TRHDE: variants seen among roughly 807,000 people sequenced by gnomAD.
TRHDE encodes thyrotropin releasing hormone degrading enzyme.
TRHDE carries 72 observed loss-of-function variants against 125.7 expected under a neutral mutation model. That is an observed-to-expected ratio of 0.57 (90% CI 0.47 to 0.70). The LOEUF is 0.70. Among genes scored for constraint, TRHDE ranks in the 30% least tolerant of loss-of-function variants. The probability of loss-of-function intolerance (pLI) is 0.00; values close to 1 mark genes in which losing one functional copy is unlikely to be tolerated. For synonymous variants in TRHDE, 509 were observed against 509.1 expected, an observed-to-expected ratio of 1.00 and a Z score of 0.00; for missense variants, 1,110 against 1,327.1, an observed-to-expected ratio of 0.84 and a Z score of 2.54.
rs1345189955 is a variant in TRHDE at position 72,111,001 on chromosome 12, C to T, written n.279+5249C>T. Among the ~76,000 whole-genome samples, 5 of 152,186 alleles carry T rather than the reference C, an allele frequency of 3.3e-5. No individual in the cohort carries two copies. The East Asian group carries it at 9.7e-4, about 29-fold the overall frequency. On this transcript the variant is annotated intron_variant and non_coding_transcript_variant, in intron 2 of 4. Transcript: ENST00000548156. ...GGCAATCTATGTTTGTGAAATGTGT[C>T]GTATAGACTCTAGTTCAGCAGAGGG...
chr12:72,568,235 T>C (rs1822339675), intron 9 of TRHDE, among the ~76,000 whole-genome samples: 1 of 152,142 alleles, frequency 6.6e-6, no homozygotes, highest in Admixed American at 6.5e-5. Flanking sequence ...AAGTTATGTT[T>C]AGACTTTAAT....
At chr12:72,505,835 T>C (rs1202870325) in intron 6 of TRHDE, among the ~76,000 whole-genome samples, 1 of 152,172 alleles carries the variant, frequency 6.6e-6, no homozygotes, top group Non-Finnish European at 1.5e-5. Context: ...TAGAAATGAA[T>C]AGGAAAGGCC....
rs1875740280 is a variant in TRHDE at position 72,454,461 on chromosome 12, C to T, written c.1316-15297C>T. Among the ~76,000 whole-genome samples, 3 of 152,166 alleles carry T rather than the reference C, an allele frequency of 2.0e-5. No individual in the cohort carries two copies. The South Asian group carries it at 6.2e-4, about 32-fold the overall frequency. On this transcript the variant is annotated intron_variant, in intron 3 of 18. Coordinates refer to ENST00000261180, the MANE Select transcript of TRHDE (RefSeq NM_013381.3). ...AATGAGAAAGGCAGTGCTATTATGACATCTATGGAACCATTAATCCCTGTT... is the reference window on the plus strand; with the variant it reads ...AATGAGAAAGGCAGTGCTATTATGATATCTATGGAACCATTAATCCCTGTT...
At chr12:72,383,724 T>G (rs1416652522) in intron 3 of TRHDE, among the ~76,000 whole-genome samples, 1 of 151,732 alleles carries the variant, frequency 6.6e-6, no homozygotes, top group South Asian at 2.1e-4. Flanking sequence ...TCTGTTTTTT[T>G]TTTTTTTTTC....
intron 3 of TRHDE, among the ~76,000 whole-genome samples, chr12:72,454,121 G>A (rs1048893218): frequency 2.0e-5 from 3 of 152,060 alleles, no homozygotes; most frequent in African/African-American, 7.2e-5. Flanking sequence ...ACATATGCGT[G>A]TAGAGTGAAG....
intron 1 of TRHDE, among the ~76,000 whole-genome samples, chr12:72,101,100 G>A (rs1267319616): frequency 2.0e-5 from 3 of 152,096 alleles, no homozygotes; most frequent in African/African-American, 4.8e-5. Flanking sequence ...TTACCAAAGT[G>A]GATTCTGTGA....
At chr12:72,165,274 T>C (rs1353912631) in intron 2 of TRHDE, among the ~76,000 whole-genome samples, 1 of 152,196 alleles carries the variant, frequency 6.6e-6, no homozygotes, top group African/African-American at 2.4e-5. Flanking sequence ...AAGTTTTCAG[T>C]TCACCAATGA....
chr12:72,663,032 T>G lies in TRHDE; in HGVS notation c.3067-20T>G, dbSNP rs1207857949. ...TTTTTAAGACAGGCAGATTTACCAT[T>G]TAAAAATTTCTCTTTCCAGCTCAAG... is the stretch of plus-strand genomic sequence containing the variant. On this transcript the variant is annotated intron_variant, in intron 18 of 18. Coordinates refer to ENST00000261180, the MANE Select transcript of TRHDE (RefSeq NM_013381.3). The G allele has an allele frequency of 1.3e-6, 2 of 1,594,492 alleles. No homozygotes were observed. Among genetic ancestry groups the G allele is most frequent in the Non-Finnish European group, 8.5e-7 (1 of 1,170,234 alleles).
intron 15 of TRHDE, among the ~76,000 whole-genome samples, chr12:72,649,520 G>T (rs1230749854): frequency 6.6e-6 from 1 of 151,952 alleles, no homozygotes; most frequent in Non-Finnish European, 1.5e-5. Flanking sequence ...ATCAAAAGCA[G>T]AGGCAACATA....
intron 5 of TRHDE, among the ~76,000 whole-genome samples, chr12:72,489,257 A>C (rs1877552045): frequency 6.6e-6 from 1 of 151,454 alleles, no homozygotes; most frequent in Admixed American, 6.6e-5. Context: ...GCTTTTAGCT[A>C]GCCTAATTAA....
chr12:72,606,353 G>T lies in TRHDE; in HGVS notation c.2322-12538G>T, dbSNP rs1358777852. On this transcript the variant is annotated intron_variant, in intron 12 of 18. Coordinates refer to ENST00000261180, the MANE Select transcript of TRHDE (RefSeq NM_013381.3). ...TGAATGTGCTGGGATCTGTACATGA[G>T]TTTATTAGCTCAATGTAGGGAACAA... Among the ~76,000 whole-genome samples, 3 of 152,162 alleles carry T rather than the reference G, an allele frequency of 2.0e-5. No individual in the cohort carries two copies. The East Asian group carries it at 5.8e-4, about 29-fold the overall frequency.
At chr12:72,168,399 A>G (rs1382095022) in intron 2 of TRHDE, among the ~76,000 whole-genome samples, 1 of 152,122 alleles carries the variant, frequency 6.6e-6, no homozygotes, top group Non-Finnish European at 1.5e-5. Flanking sequence ...TGAGACATCC[A>G]TTTTGCTTAT....
intron 5 of TRHDE, among the ~76,000 whole-genome samples, chr12:72,489,466 G>A (rs1184767884): frequency 6.6e-6 from 1 of 151,670 alleles, no homozygotes; most frequent in Non-Finnish European, 1.5e-5. Context: ...AATCCCAAGG[G>A]CATTATGCAC....
chr12:72,224,208 ATCTATCAT>A (rs1878075547), intron 2 of TRHDE, among the ~76,000 whole-genome samples: 2 of 147,872 alleles, frequency 1.4e-5, no homozygotes, highest in Admixed American at 1.4e-4. Flanking sequence ...CTATCTATCT[ATCTATCAT>A]CTATCTATGC....
intron 9 of TRHDE, among the ~76,000 whole-genome samples, chr12:72,564,068 A>C (rs778059339): frequency 1.3e-5 from 2 of 152,168 alleles, no homozygotes; most frequent in African/African-American, 2.4e-5. Flanking sequence ...AAATTCATGA[A>C]TGTTTCTGGT....
intron 2 of TRHDE, among the ~76,000 whole-genome samples, chr12:72,266,802 G>GC (rs1879080231): frequency 6.6e-6 from 1 of 152,006 alleles, no homozygotes; most frequent in African/African-American, 2.4e-5. Flanking sequence ...TTCCAACTCT[G>GC]CCATCTACTA....
chr12:72,526,793 T>C (rs1362051922), intron 6 of TRHDE, among the ~76,000 whole-genome samples: 1 of 152,144 alleles, frequency 6.6e-6, no homozygotes, highest in African/African-American at 2.4e-5. Context: ...AATACCAAAA[T>C]GAACTTTTAT....
intron 2 of TRHDE, among the ~76,000 whole-genome samples, chr12:72,297,105 T>G (rs912543804): frequency 3.9e-5 from 6 of 152,018 alleles, no homozygotes; most frequent in Non-Finnish European, 5.9e-5. Context: ...AGAAAGCAAA[T>G]GTAGGGAGAT....
intron 6 of TRHDE, among the ~76,000 whole-genome samples, chr12:72,527,434 T>C (rs1868354930): frequency 6.6e-6 from 1 of 152,094 alleles, no homozygotes; most frequent in Admixed American, 6.6e-5. Flanking sequence ...ATTTCAGGCA[T>C]GGAGAACGTA....
Sources: gnomAD v4.1 joint callset for allele counts (sites outside exome capture counted in the v4.1 genomes callset) on GRCh38, gnomAD v4.1.1 for gene constraint, MANE v1.5 for transcripts, NCBI Gene and HGNC (gene_info 2026-07-23, HGNC 2026-07-21) for gene names.